Variants in PDS5B observed in about 807,000 individuals in gnomAD.
The protein encoded by PDS5B is sister chromatid cohesion protein PDS5 homolog B.
In PDS5B, 51 loss-of-function variants were observed where a neutral mutation model predicts 184.1. The observed-to-expected ratio is 0.28, with a 90% CI of 0.22 to 0.35. PDS5B has a LOEUF of 0.35. PDS5B is among the 10% of genes least tolerant of loss of function. The pLI is 1.00. For synonymous variants in PDS5B, 566 were observed against 569.2 expected (o/e 0.99, Z 0.08); for missense variants, 1,180 against 1,723.3 (o/e 0.68, Z 5.58).
chr13:32,590,263 G>C (rs1034754023), intron 1 of PDS5B, among the ~76,000 whole-genome samples: 1 of 152,190 alleles, frequency 6.6e-6, no homozygotes, highest in Admixed American at 6.5e-5. Flanking sequence ...CCACTAGCCT[G>C]CCATTCTCTT....
intron 7 of PDS5B, 58 bp downstream of exon 7, chr13:32,667,902 C>T: frequency 1.0e-5 from 10 of 985,108 alleles, no homozygotes; most frequent in South Asian, 1.0e-4. Context: ...TAAAGACTTG[C>T]TAGAAGCAAA....
chr13:32,758,544 C>T lies in PDS5B; in HGVS notation c.3200C>T (p.Thr1067Ile). The stretch of plus-strand genomic sequence containing the variant: ...AATATACTATTGCAGAAACTGTACA[C>T]TGTGTGTGATGTTGCCATGAATATC... ...DDAKMNEKLY[T>I]VCDVAMNIIM... Residue 1067 changes from threonine (T) to isoleucine (I), a missense_variant, in exon 28 of 35, where the codon ACT becomes ATT. Coordinates refer to ENST00000315596, the MANE Select transcript of PDS5B (RefSeq NM_015032.4). 6.2e-7 allele frequency: 1 copy of T among 1,611,632 alleles called. No homozygotes were observed. The highest frequency in any genetic ancestry group is 8.5e-7 in the Non-Finnish European group (1 of 1,178,198).
At chr13:32,767,175 C>G (rs970234744) in intron 31 of PDS5B, among the ~76,000 whole-genome samples, 1 of 152,014 alleles carries the variant, frequency 6.6e-6, no homozygotes, top group East Asian at 1.9e-4. Flanking sequence ...TCAGATCATG[C>G]CAAGAGGACA....
chr13:32,714,162 G>C (rs1952295235), intron 19 of PDS5B, among the ~76,000 whole-genome samples: 1 of 152,178 alleles, frequency 6.6e-6, no homozygotes, highest in Non-Finnish European at 1.5e-5. Context: ...ATATCACAAG[G>C]CAAGTGGAGG....
Position 32,775,185 on chromosome 13 carries a change from A to T in PDS5B, c.*133A>T. On this transcript the variant is annotated 3_prime_UTR_variant, in exon 35 of 35. Transcript: ENST00000315596. ...GCTGAAGAGTGGACAGTTGGACCTT[A>T]CTTTGGTGACCCCATACATTTGTGG... is the stretch of plus-strand genomic sequence containing the variant. The T allele has an allele frequency of 1.4e-6, 1 of 717,982 alleles. No homozygotes were observed. Among genetic ancestry groups the T allele is most frequent in the Non-Finnish European group, 2.3e-6 (1 of 431,912 alleles). The allele number at this position is 717,982 out of a possible 1,614,324, so 44.5% of individuals were successfully genotyped here.
chr13:32,763,053 T>A (rs2141020119), intron 30 of PDS5B, among the ~76,000 whole-genome samples: 1 of 152,262 alleles, frequency 6.6e-6, no homozygotes, highest in African/African-American at 2.4e-5. Flanking sequence ...TGTTTTGTTA[T>A]TTTTTTCTTC....
chr13:32,668,386 C>T (rs1357451244), intron 7 of PDS5B, among the ~76,000 whole-genome samples: 2 of 152,124 alleles, frequency 1.3e-5, no homozygotes, highest in African/African-American at 2.4e-5. Flanking sequence ...TAAAATGAGA[C>T]CTTTCAGTAT....
chr13:32,652,101 G>T, intron 3 of PDS5B, 94 bp downstream of exon 3: 12 of 847,038 alleles, frequency 1.4e-5, no homozygotes, highest in South Asian at 4.7e-5. Context: ...TGATTTCCTT[G>T]GATTCTTTGA....
intron 7 of PDS5B, among the ~76,000 whole-genome samples, chr13:32,671,956 C>CT (rs1950949032): frequency 6.6e-6 from 1 of 152,184 alleles, no homozygotes; most frequent in Non-Finnish European, 1.5e-5. Context: ...TAGAAAGAAA[C>CT]TTGACAGTTA....
At position 32,599,641 on chromosome 13, in the gene PDS5B, G is replaced by A. The variant is rs557440161; in HGVS notation, c.-20+13048G>A. Among the ~76,000 whole-genome samples, 32 of 151,898 alleles carry A rather than the reference G, an allele frequency of 2.1e-4. 1 individual carries two copies. The South Asian group carries it at 4.4e-3, about 21-fold the overall frequency. Reference sequence around the variant, plus strand: ...CTTACTTAAAAAATACCGGCCGGGCGCGGTGACTCATGCCTGTAATCCCAG... The same window carrying A: ...CTTACTTAAAAAATACCGGCCGGGCACGGTGACTCATGCCTGTAATCCCAG... On this transcript the variant is annotated intron_variant, in intron 1 of 34. Coordinates refer to ENST00000315596, the MANE Select transcript of PDS5B (RefSeq NM_015032.4).
intron 17 of PDS5B, among the ~76,000 whole-genome samples, chr13:32,703,041 C>T (rs1188670877): frequency 6.6e-6 from 1 of 152,008 alleles, no homozygotes; most frequent in Non-Finnish European, 1.5e-5. Context: ...TATTAGGATT[C>T]AAGTCCAAAT....
intron 1 of PDS5B, among the ~76,000 whole-genome samples, chr13:32,637,978 T>C (rs1024983776): frequency 6.6e-6 from 1 of 152,250 alleles, no homozygotes; most frequent in African/African-American, 2.4e-5. Flanking sequence ...GTGGTTCTAC[T>C]GATCTGGACC....
intron 1 of PDS5B, among the ~76,000 whole-genome samples, chr13:32,602,169 T>C (rs779338144): frequency 1.3e-4 from 20 of 152,288 alleles, no homozygotes; most frequent in Admixed American, 1.0e-3. Flanking sequence ...TGTATACATA[T>C]ACCATGTTGG....
At chr13:32,667,570 C>T (rs981802410) in intron 6 of PDS5B, among the ~76,000 whole-genome samples, 194 bp from the exon 7 acceptor site, 2 of 152,066 alleles carry the variant, frequency 1.3e-5, no homozygotes, top group Admixed American at 6.5e-5. Context: ...TATAATTATC[C>T]TTACGTGGAT....
intron 33 of PDS5B, among the ~76,000 whole-genome samples, chr13:32,771,463 T>C (rs1305475797): frequency 6.6e-6 from 1 of 152,172 alleles, no homozygotes; most frequent in African/African-American, 2.4e-5. Flanking sequence ...GAGTAGCATG[T>C]CTTCTATTAG....
chr13:32,642,558 A>G (rs1186731064), intron 1 of PDS5B, among the ~76,000 whole-genome samples: 1 of 152,168 alleles, frequency 6.6e-6, no homozygotes, highest in Non-Finnish European at 1.5e-5. Flanking sequence ...TACTCATAGG[A>G]AAAACAACCT....
intron 3 of PDS5B, among the ~76,000 whole-genome samples, chr13:32,655,372 ATAT>A (rs1428986102): frequency 4.0e-4 from 21 of 52,280 alleles, no homozygotes; most frequent in African/African-American, 1.7e-3. Context: ...ATATATATAT[ATAT>A]TTTTTTTTTT....
Position 32,775,871 on chromosome 13 carries a change from AT to A in PDS5B, c.*820del. The A allele has an allele frequency of 3.4e-6, 1 of 292,156 alleles. No homozygotes were observed. The highest frequency in any genetic ancestry group is 3.1e-5 in the South Asian group (1 of 32,058). 18.1% of individuals were successfully genotyped at this position (292,156 alleles called of 1,614,324 possible). A position where few individuals can be genotyped will look rare whatever the true frequency, so the allele number is the denominator to read the frequency against. ...TTTATCATCCTTTCAGTTTTTATTAATCTACTGTATCAATAAAATTCTGTAA... is the reference window on the plus strand; with the variant it reads ...TTTATCATCCTTTCAGTTTTTATTAACTACTGTATCAATAAAATTCTGTAA... On this transcript the variant is annotated 3_prime_UTR_variant, in exon 35 of 35. Transcript: ENST00000315596.
At chr13:32,650,661 A>G (rs1950345899) in intron 2 of PDS5B, 1 of 152,224 alleles carries the variant, frequency 6.6e-6, no homozygotes, top group Non-Finnish European at 1.5e-5. Flanking sequence ...TAAAAGACCC[A>G]GACATCATAC....
Sources: allele counts gnomAD v4.1 joint callset (sites outside exome capture counted in the v4.1 genomes callset), GRCh38; gene constraint gnomAD v4.1.1; transcripts MANE v1.5; gene names NCBI Gene and HGNC (gene_info 2026-07-23, HGNC 2026-07-21).